The following LETM2 variants were observed in gnomAD, a reference collection of about 807,000 sequenced individuals.
LETM2 encodes the protein leucine zipper and EF-hand containing transmembrane protein 2, also known as LETM1 domain-containing protein LETM2, mitochondrial.
LETM2 carries 58 observed loss-of-function variants against 59.6 expected under a neutral mutation model. The ratio of observed to expected loss-of-function variants is 0.97; its 90% CI spans 0.79 to 1.21. LETM2 has a LOEUF of 1.21. Among genes scored for constraint, LETM2 ranks in the 50% most tolerant of loss-of-function variants. The pLI is 0.00. For synonymous variants in LETM2, 199 were observed against 214.1 expected, an observed-to-expected ratio of 0.93 and a Z score of 0.62; for missense variants, 572 against 575.7, an observed-to-expected ratio of 0.99 and a Z score of 0.07.
intron 8 of LETM2, among the ~76,000 whole-genome samples, chr8:38,405,423 T>C (rs1813640572): frequency 6.6e-6 from 1 of 152,186 alleles, no homozygotes; most frequent in South Asian, 2.1e-4. Context: ...TTGTAGAATA[T>C]GCTACACTGT....
At chr8:38,406,919 T>G in intron 8 of LETM2, 27 bp from the exon 9 acceptor site, 1 of 1,467,714 alleles carries the variant, frequency 6.8e-7, no homozygotes, top group Non-Finnish European at 9.5e-7. Flanking sequence ...AGAAAGCTTA[T>G]GATACATAAA....
At position 38,408,930 on chromosome 8, in the gene LETM2, A is replaced by G. The variant is rs1490241002; in HGVS notation, c.*656A>G. On this transcript the variant is annotated 3_prime_UTR_variant, in exon 11 of 11. Coordinates refer to ENST00000379957, the MANE Select transcript of LETM2 (RefSeq NM_001286819.2). ...TGCGAGGCAGCCACTCTTCTAGCAC[A>G]TATGGCTTTCATTAGCCACCATTTT... 6.6e-6 allele frequency: 1 copy of G among 152,314 alleles called. No individual in the cohort carries two copies. The highest frequency in any genetic ancestry group is 1.5e-5 in the Non-Finnish European group (1 of 68,108). The allele number at this position is 152,314 out of a possible 1,614,324, so 9.4% of individuals were successfully genotyped here. A position where few individuals can be genotyped will look rare whatever the true frequency, so the allele number is the denominator to read the frequency against.
intron 4 of LETM2, among the ~76,000 whole-genome samples, chr8:38,398,380 C>T (rs2073657679): frequency 6.6e-6 from 1 of 152,192 alleles, no homozygotes; most frequent in African/African-American, 2.4e-5. Context: ...TTCCCTGAAA[C>T]ATACAAATAT....
At chr8:38,385,710 T>A (rs981913213), upstream of LETM2, among the ~76,000 whole-genome samples, 9 of 151,886 alleles carry the variant, frequency 5.9e-5, no homozygotes, top group Non-Finnish European at 8.8e-5. Context: ...TAAAAAAAAT[T>A]TTTAACTCTT....
intron 2 of LETM2, 115 bp from the exon 3 acceptor site, chr8:38,392,427 G>A (rs1487101393): frequency 2.8e-6 from 2 of 709,188 alleles, no homozygotes; most frequent in Non-Finnish European, 2.3e-6. Context: ...AAAAAAAAAA[G>A]CTGTTTTATT....
At chr8:38,404,274 C>A in intron 7 of LETM2, 119 bp from the exon 8 acceptor site, 3 of 686,562 alleles carry the variant, frequency 4.4e-6, no homozygotes, top group Non-Finnish European at 5.1e-6. Flanking sequence ...ATCACCTGAG[C>A]GGCTTGGCGG....
chr8:38,408,343 C>A lies in LETM2; in HGVS notation c.*69C>A. 1 of 1,336,128 alleles carries A rather than the reference C, an allele frequency of 7.5e-7. No individual in the cohort carries two copies. The highest frequency in any genetic ancestry group is 1.1e-6 in the Non-Finnish European group (1 of 941,444). 82.8% of individuals were successfully genotyped at this position (1,336,128 alleles called of 1,614,324 possible). On this transcript the variant is annotated 3_prime_UTR_variant, in exon 11 of 11. Coordinates refer to ENST00000379957, the MANE Select transcript of LETM2 (RefSeq NM_001286819.2). ...CTCAACAGTGGCATCTGTAAAGGAC[C>A]TCCCAGATAAGACTGTCTGGCTTCA...
chr8:38,403,108 ACTT>A (rs1387007093), intron 7 of LETM2, among the ~76,000 whole-genome samples: 2 of 152,062 alleles, frequency 1.3e-5, no homozygotes, highest in Non-Finnish European at 1.5e-5. Flanking sequence ...GCAAGAGAGA[ACTT>A]CTCATATGCC....
chr8:38,390,032 A>G (rs1305001177), intron 2 of LETM2, among the ~76,000 whole-genome samples: 3 of 148,314 alleles, frequency 2.0e-5, no homozygotes, highest in African/African-American at 7.4e-5. Context: ...AACAGCCTGG[A>G]TAACATAGCA....
At chr8:38,404,914 T>C (rs1296978210) in intron 8 of LETM2, 1 of 183,322 alleles carries the variant, frequency 5.5e-6, no homozygotes, top group African/African-American at 2.4e-5. Context: ...GAGACGGAGG[T>C]GCAGTGAGAC....
At chr8:38,400,520 C>G in intron 5 of LETM2, 111 bp downstream of exon 5, 1 of 1,000,102 alleles carries the variant, frequency 1.0e-6, no homozygotes, top group East Asian at 2.5e-5. Context: ...TTGCAAATAT[C>G]TAAATTATGA....
chr8:38,399,887 G>A (rs866102546), intron 4 of LETM2, among the ~76,000 whole-genome samples: 24 of 151,922 alleles, frequency 1.6e-4, no homozygotes, highest in African/African-American at 5.1e-4. Context: ...TGGAGGTTGC[G>A]GTGAGCCGAG....
At chr8:38,407,704 T>C (rs997658062) in intron 10 of LETM2, among the ~76,000 whole-genome samples, 1 of 152,140 alleles carries the variant, frequency 6.6e-6, no homozygotes, top group African/African-American at 2.4e-5. Context: ...TCAGTTACAA[T>C]ATAGGCAGAC....
chr8:38,389,678 C>T (rs1812056911), intron 2 of LETM2, among the ~76,000 whole-genome samples: 1 of 152,024 alleles, frequency 6.6e-6, no homozygotes. Context: ...GAAGCCTAGA[C>T]AGGAAGATAG....
Position 38,388,973 on chromosome 8 carries a change from C to T in LETM2, c.47+943C>T, listed in dbSNP as rs773459630. 4.6e-5 allele frequency among the ~76,000 whole-genome samples: 7 copies of T among 151,950 alleles called. No homozygotes were observed. In the South Asian group the frequency reaches 1.5e-3, roughly 32 times the overall value. ...TACAGATGGGGTTTCGCCATGTTGG[C>T]CAGGCTGGTCTTGAACTCCTGACCT... On this transcript the variant is annotated intron_variant, in intron 2 of 10. Transcript: ENST00000379957.
Position 38,408,440 on chromosome 8 carries a change from AGTGAGACCAAG to A in LETM2, c.*167_*177del, listed in dbSNP as rs553041222. ...GGTAACCATTCCAGGTGATGTGGGT[AGTGAGACCAAG>A]TTCAGACCACTTAGAAAAATATAAT... On this transcript the variant is annotated 3_prime_UTR_variant, in exon 11 of 11. Coordinates refer to ENST00000379957, the MANE Select transcript of LETM2 (RefSeq NM_001286819.2). 13 of 598,116 alleles carry A rather than the reference AGTGAGACCAAG, an allele frequency of 2.2e-5. No individual in the cohort carries two copies. The East Asian group carries it at 3.7e-4, about 17-fold the overall frequency. 37.1% of individuals were successfully genotyped at this position (598,116 alleles called of 1,614,324 possible).
chr8:38,388,080 CTT>C (rs35044708), intron 2 of LETM2, 50 bp downstream of exon 2: 72,686 of 862,530 alleles, frequency 0.084, 1 homozygote, highest in South Asian at 0.11. Flanking sequence ...TCTTCTTCTT[CTT>C]TTTTTTTTTT....
At chr8:38,392,094 G>C (rs1270440755) in intron 2 of LETM2, among the ~76,000 whole-genome samples, 1 of 152,214 alleles carries the variant, frequency 6.6e-6, no homozygotes, top group Non-Finnish European at 1.5e-5. Flanking sequence ...TATGTGACTG[G>C]TTAATTCCTA....
chr8:38,389,599 T>C (rs1032283332), intron 2 of LETM2, among the ~76,000 whole-genome samples: 1 of 152,188 alleles, frequency 6.6e-6, no homozygotes, highest in Non-Finnish European at 1.5e-5. Context: ...GAGCGTTTTA[T>C]CTTGGCATGC....
Sources: allele counts gnomAD v4.1 joint callset (sites outside exome capture counted in the v4.1 genomes callset), GRCh38; gene constraint gnomAD v4.1.1; transcripts MANE v1.5; gene names NCBI Gene and HGNC (gene_info 2026-07-23, HGNC 2026-07-21).